CSMD1: variants seen among roughly 807,000 people sequenced by gnomAD.
CSMD1 encodes CUB and sushi domain-containing protein 1.
In CSMD1, 213 loss-of-function variants were observed where a neutral mutation model predicts 417.5. That is an observed-to-expected ratio of 0.51 (90% CI 0.46 to 0.57). CSMD1 has a LOEUF of 0.57. Ranked by LOEUF, CSMD1 falls within the 20% of genes least tolerant of loss-of-function variation. The pLI, the probability that CSMD1 is intolerant of heterozygous loss-of-function variation, is 0.00. For missense variants in CSMD1, 6,923 were observed against 4,529.7 expected, an observed-to-expected ratio of 1.53 and a Z score of -15.17; for synonymous variants, 2,862 against 1,736.8, an observed-to-expected ratio of 1.65 and a Z score of -16.11.
At position 4,991,559 on chromosome 8, in the gene CSMD1, C is replaced by T. The variant is rs1052927271; in HGVS notation, c.85+2773G>A. Among the ~76,000 whole-genome samples the T allele has an allele frequency of 3.3e-5, 5 of 152,278 alleles. No homozygotes were observed. In the East Asian group the frequency reaches 7.8e-4, roughly 24 times the overall value. The stretch of plus-strand genomic sequence containing the variant: ...GGAGCCGCCACCCGGGCGCGCGCGG[C>T]GCAGCTGCCCACGGCAGTGGCCGGG... On this transcript the variant is annotated intron_variant, in intron 1 of 69. Coordinates refer to ENST00000635120, the MANE Select transcript of CSMD1 (RefSeq NM_033225.6).
chr8:3,101,362 C>A (rs1815726064), intron 46 of CSMD1, among the ~76,000 whole-genome samples: 1 of 152,204 alleles, frequency 6.6e-6, no homozygotes, highest in South Asian at 2.1e-4. Flanking sequence ...TCTGTGATGT[C>A]TCTTACTCAG....
At chr8:4,162,702 G>C (rs1035197324) in intron 3 of CSMD1, among the ~76,000 whole-genome samples, 4 of 152,014 alleles carry the variant, frequency 2.6e-5, no homozygotes, top group Non-Finnish European at 5.9e-5. Flanking sequence ...AACATCCCAC[G>C]CCAGAGTGGT....
intron 26 of CSMD1, among the ~76,000 whole-genome samples, chr8:3,237,622 ATAT>A (rs1172137179): frequency 7.1e-6 from 1 of 141,166 alleles, no homozygotes; most frequent in African/African-American, 2.5e-5. Flanking sequence ...TACTATAAAT[ATAT>A]TTTTTATACT....
chr8:4,096,745 G>A (rs1044071585), intron 3 of CSMD1, among the ~76,000 whole-genome samples: 2 of 152,150 alleles, frequency 1.3e-5, no homozygotes, highest in Non-Finnish European at 2.9e-5. Context: ...AAAGAATATT[G>A]TATGAGTTTT....
At chr8:4,894,545 C>G (rs1804348575) in intron 1 of CSMD1, among the ~76,000 whole-genome samples, 3 of 105,084 alleles carry the variant, frequency 2.9e-5, no homozygotes, top group Non-Finnish European at 1.9e-5. Flanking sequence ...ACAGCGAGAA[C>G]TCATCTCAAA....
chr8:4,490,410 T>G (rs1801641974), intron 2 of CSMD1, among the ~76,000 whole-genome samples: 1 of 152,260 alleles, frequency 6.6e-6, no homozygotes, highest in African/African-American at 2.4e-5. Flanking sequence ...AATGTGTATT[T>G]CACATCTGTC....
chr8:3,328,524 T>C (rs1806684883), intron 23 of CSMD1, among the ~76,000 whole-genome samples: 1 of 152,248 alleles, frequency 6.6e-6, no homozygotes, highest in Non-Finnish European at 1.5e-5. Context: ...TCATATGATC[T>C]TCGGCCTAAA....
chr8:4,421,450 A>T (rs11776084), intron 2 of CSMD1, among the ~76,000 whole-genome samples: 11,870 of 152,170 alleles, frequency 0.078, 609 homozygotes, highest in African/African-American at 0.15. Context: ...ACAAACCTCA[A>T]ACTATATAAA....
intron 3 of CSMD1, among the ~76,000 whole-genome samples, chr8:4,289,933 T>G (rs17413302): frequency 0.11 from 16,509 of 152,200 alleles, 1,062 homozygotes; most frequent in South Asian, 0.17. Context: ...GTAATTAGAA[T>G]CATTATTGAC....
intron 4 of CSMD1, among the ~76,000 whole-genome samples, chr8:4,002,137 G>A (rs1054801961): frequency 1.3e-5 from 2 of 152,082 alleles, no homozygotes; most frequent in East Asian, 3.9e-4. Flanking sequence ...GTACTCATGG[G>A]ATAAAATGCT....
chr8:4,138,633 C>T (rs200571040), intron 3 of CSMD1, among the ~76,000 whole-genome samples: 2 of 151,794 alleles, frequency 1.3e-5, no homozygotes, highest in Non-Finnish European at 2.9e-5. Context: ...AAGGAAAAAA[C>T]ATCTCTTAAG....
intron 10 of CSMD1, among the ~76,000 whole-genome samples, chr8:3,531,356 T>C (rs531358676): frequency 3.9e-5 from 6 of 152,330 alleles, no homozygotes; most frequent in African/African-American, 1.2e-4. Context: ...ATCCGACTTA[T>C]GCGGCATTTG....
chr8:4,319,182 C>T (rs769655192), intron 3 of CSMD1, among the ~76,000 whole-genome samples: 1 of 152,102 alleles, frequency 6.6e-6, no homozygotes, highest in Non-Finnish European at 1.5e-5. Flanking sequence ...TAGTCAATTT[C>T]CCCCAGTAAT....
intron 4 of CSMD1, among the ~76,000 whole-genome samples, chr8:4,023,193 G>C (rs1312562482): frequency 6.6e-6 from 1 of 152,178 alleles, no homozygotes; most frequent in Non-Finnish European, 1.5e-5. Flanking sequence ...CAATGTTGCA[G>C]GCTACAGACC....
chr8:3,530,988 G>A (rs1458166711), intron 10 of CSMD1, among the ~76,000 whole-genome samples: 3 of 151,606 alleles, frequency 2.0e-5, no homozygotes, highest in Non-Finnish European at 4.4e-5. Context: ...GAGTAGCTGG[G>A]ACTGCAGGCA....
chr8:3,367,395 C>A, intron 19 of CSMD1, 148 bp from the exon 20 acceptor site: 1 of 618,388 alleles, frequency 1.6e-6, no homozygotes, highest in Non-Finnish European at 2.9e-6. Flanking sequence ...AGACAGATTG[C>A]AGAGAGTAAT....
At chr8:3,610,912 G>C (rs1288161944) in intron 8 of CSMD1, among the ~76,000 whole-genome samples, 1 of 151,926 alleles carries the variant, frequency 6.6e-6, no homozygotes, top group Non-Finnish European at 1.5e-5. Flanking sequence ...ACAATGATGG[G>C]AAAAACTGAT....
intron 42 of CSMD1, among the ~76,000 whole-genome samples, chr8:3,112,692 A>G (rs1816591923): frequency 6.6e-6 from 1 of 152,222 alleles, no homozygotes; most frequent in African/African-American, 2.4e-5. Context: ...TGCCTTTGTA[A>G]AAAGCTTATT....
chr8:3,680,918 A>T (rs1799624855), intron 7 of CSMD1, among the ~76,000 whole-genome samples: 1 of 152,206 alleles, frequency 6.6e-6, no homozygotes, highest in Non-Finnish European at 1.5e-5. Context: ...CAGCATATAA[A>T]CAGAACCAAT....
Sources: allele counts gnomAD v4.1 joint callset (sites outside exome capture counted in the v4.1 genomes callset), GRCh38; gene constraint gnomAD v4.1.1; transcripts MANE v1.5; gene names NCBI Gene and HGNC (gene_info 2026-07-23, HGNC 2026-07-21).